Variants in COMMD2 observed in about 807,000 individuals in gnomAD.
COMMD2 encodes COMM domain containing 2.
COMMD2 carries 25 observed loss-of-function variants against 22.5 expected under a neutral mutation model. That is an observed-to-expected ratio of 1.11 (90% CI 0.81 to 1.55). The LOEUF (loss-of-function observed/expected upper bound fraction) is 1.55. COMMD2 is among the 40% of genes most tolerant of loss of function. The pLI, the probability that COMMD2 is intolerant of heterozygous loss-of-function variation, is 0.00. For synonymous variants in COMMD2, 98 were observed against 91.2 expected (o/e 1.07, Z -0.42); for missense variants, 223 against 232.9 (o/e 0.96, Z 0.28).
At chr3:149,744,826 A>G (rs1266550296) in intron 4 of COMMD2, among the ~76,000 whole-genome samples, 5 of 152,222 alleles carry the variant, frequency 3.3e-5, no homozygotes, top group Admixed American at 6.5e-5. Context: ...GCACTTCTCC[A>G]TAAGTGGCAA....
intron 4 of COMMD2, among the ~76,000 whole-genome samples, chr3:149,748,010 TAGG>T (rs1025014130): frequency 7.3e-5 from 10 of 137,022 alleles, no homozygotes; most frequent in Admixed American, 1.5e-4. Flanking sequence ...GGAGCAGCAG[TAGG>T]AGGAGTACAT....
chr3:149,751,956 G>T, intron 2 of COMMD2: 1 of 429,994 alleles, frequency 2.3e-6, no homozygotes, highest in South Asian at 5.5e-5. Context: ...ACACTTTTCA[G>T]TATTTCTGAA....
intron 4 of COMMD2, among the ~76,000 whole-genome samples, chr3:149,749,618 A>G (rs1576660291): frequency 6.6e-6 from 1 of 152,224 alleles, no homozygotes; most frequent in African/African-American, 2.4e-5. Flanking sequence ...GCACTATAAT[A>G]CATATTCATA....
intron 4 of COMMD2, among the ~76,000 whole-genome samples, chr3:149,749,579 C>A (rs1231885999): frequency 3.9e-5 from 6 of 152,152 alleles, no homozygotes; most frequent in Non-Finnish European, 1.5e-5. Context: ...CCAGGTTATT[C>A]CAACATGAAG....
chr3:149,744,043 T>C (rs990151558), intron 4 of COMMD2, among the ~76,000 whole-genome samples: 3 of 152,272 alleles, frequency 2.0e-5, no homozygotes, highest in East Asian at 3.9e-4. Context: ...CAGAAAGAAG[T>C]TGAATGACAG....
At chr3:149,748,844 G>T (rs1468630750) in intron 4 of COMMD2, among the ~76,000 whole-genome samples, 1 of 152,234 alleles carries the variant, frequency 6.6e-6, no homozygotes, top group Non-Finnish European at 1.5e-5. Flanking sequence ...ACAAGGATAA[G>T]AAAGAGTCGA....
intron 2 of COMMD2, chr3:149,751,930 G>C: frequency 2.7e-6 from 1 of 376,912 alleles, no homozygotes; most frequent in Non-Finnish European, 4.7e-6. Context: ...CACAGACTTT[G>C]GTATATTTAT....
Position 149,741,274 on chromosome 3 carries a change from G to C in COMMD2, c.*247C>G. The C allele has an allele frequency of 2.5e-6, 1 of 394,936 alleles. No individual in the cohort carries two copies. Among genetic ancestry groups the C allele is most frequent in the Non-Finnish European group, 4.7e-6 (1 of 212,824 alleles). The allele number at this position is 394,936 out of a possible 1,614,324, so 24.5% of individuals were successfully genotyped here. On this transcript the variant is annotated 3_prime_UTR_variant, in exon 5 of 5. Transcript: ENST00000473414. ...GTAGAGATGGGGTTTCACCATGTTA[G>C]CCAGGAAGGTCTCAATCTCCTGACC...
intron 4 of COMMD2, among the ~76,000 whole-genome samples, chr3:149,745,446 A>G (rs545209708): frequency 1.3e-5 from 2 of 152,348 alleles, no homozygotes; most frequent in East Asian, 3.9e-4. Context: ...CCTGGAGCCT[A>G]CAGTCTGGTT....
chr3:149,746,352 G>T (rs887190146), intron 4 of COMMD2, among the ~76,000 whole-genome samples: 4 of 152,162 alleles, frequency 2.6e-5, no homozygotes, highest in African/African-American at 9.7e-5. Flanking sequence ...TACTTGGCCT[G>T]TGTGATTCAA....
intron 4 of COMMD2, among the ~76,000 whole-genome samples, chr3:149,747,398 G>A (rs925518001): frequency 6.6e-6 from 1 of 152,208 alleles, no homozygotes; most frequent in African/African-American, 2.4e-5. Flanking sequence ...TGAGAAAGAG[G>A]AGCCTGTGAA....
At chr3:149,751,781 G>T in intron 2 of COMMD2, 2 of 280,862 alleles carry the variant, frequency 7.1e-6, no homozygotes, top group Non-Finnish European at 6.6e-6. Flanking sequence ...GAACTCGACA[G>T]GGATTGACTT....
intron 4 of COMMD2, among the ~76,000 whole-genome samples, chr3:149,743,243 T>TGAC (rs1716284867): frequency 1.3e-5 from 2 of 152,128 alleles, no homozygotes; most frequent in African/African-American, 4.8e-5. Flanking sequence ...AACACAAAAC[T>TGAC]ATAAACAATG....
Position 149,750,732 on chromosome 3 carries a change from T to C in COMMD2, c.348A>G (p.Glu116=). 1 of 1,604,170 alleles carries C rather than the reference T, an allele frequency of 6.2e-7. No individual in the cohort carries two copies. The highest frequency in any genetic ancestry group is 8.5e-7 in the Non-Finnish European group (1 of 1,174,552). Residue 116 remains glutamate, a synonymous_variant, in exon 4 of 5, where the codon GAA becomes GAG. Coordinates refer to ENST00000473414, the MANE Select transcript of COMMD2 (RefSeq NM_016094.4). The stretch of plus-strand genomic sequence containing the variant: ...GATAACTGGGAAGGCTTGGTGCCAA[T>C]TCACTCAGAATCGTTCTGATCTCTT... ...NRKEIRTILS[E]LAPSLPSYHN...
At position 149,739,717 on chromosome 3, in the gene COMMD2, C is replaced by T. The variant is rs1015935688; in HGVS notation, c.*1804G>A. 6.6e-6 allele frequency: 1 copy of T among 152,142 alleles called. No homozygotes were observed. The highest frequency in any genetic ancestry group is 1.5e-5 in the Non-Finnish European group (1 of 68,012). The allele number at this position is 152,142 out of a possible 1,614,324, so 9.4% of individuals were successfully genotyped here. ...TTGCTTTTAAACCCAATGACATATG[C>T]TACTATTTCACGTAATAAAGTTTCT... is the stretch of plus-strand genomic sequence containing the variant. On this transcript the variant is annotated 3_prime_UTR_variant, in exon 5 of 5. Transcript: ENST00000473414.
chr3:149,751,577 TTAC>T (rs1716534015), intron 2 of COMMD2, 92 bp from the exon 3 acceptor site: 2 of 1,158,340 alleles, frequency 1.7e-6, no homozygotes, highest in South Asian at 3.4e-5. Flanking sequence ...CTATTCATTA[TTAC>T]ATGTTTTCAA....
chr3:149,744,417 A>C (rs1200803999), intron 4 of COMMD2, among the ~76,000 whole-genome samples: 1 of 152,244 alleles, frequency 6.6e-6, no homozygotes, highest in Non-Finnish European at 1.5e-5. Context: ...TAAATGGACC[A>C]GTCCTAAAAG....
At position 149,752,306 on chromosome 3, in the gene COMMD2, G is replaced by A. The variant is rs756191730; in HGVS notation, c.68-19C>T. The A allele has an allele frequency of 1.2e-5, 19 of 1,613,942 alleles. No individual in the cohort carries two copies. The Middle Eastern group carries it at 8.2e-4, about 70-fold the overall frequency. ...GCGACCACTGCAATGAAAGTCAGAA[G>A]GCTGTTGAGTGCCAGGCGCTGCCTT... is the stretch of plus-strand genomic sequence containing the variant. On this transcript the variant is annotated intron_variant, in intron 1 of 4. Transcript: ENST00000473414.
intron 2 of COMMD2, 152 bp from the exon 3 acceptor site, chr3:149,751,637 T>C (rs1559856423): frequency 3.3e-6 from 2 of 605,854 alleles, no homozygotes; most frequent in Non-Finnish European, 5.4e-6. Context: ...CTGCTCCTTG[T>C]CATTCCACTC....
Sources: gnomAD v4.1 joint callset for allele counts (sites outside exome capture counted in the v4.1 genomes callset) on GRCh38, gnomAD v4.1.1 for gene constraint, MANE v1.5 for transcripts, NCBI Gene and HGNC (gene_info 2026-07-23, HGNC 2026-07-21) for gene names.